Variants in UBAC2 observed in about 807,000 individuals in gnomAD.
The protein encoded by UBAC2 is UBA domain containing 2.
UBAC2 carries 26 observed loss-of-function variants against 44.0 expected under a neutral mutation model. The observed-to-expected ratio is 0.59, with a 90% confidence interval of 0.43 to 0.82. The LOEUF is 0.82. Among genes scored for constraint, UBAC2 ranks in the 40% least tolerant of loss-of-function variants. UBAC2 has a pLI of 0.00. For synonymous variants in UBAC2, 155 were observed against 154.3 expected, an observed-to-expected ratio of 1.00 and a Z score of -0.04; for missense variants, 329 against 419.4, an observed-to-expected ratio of 0.78 and a Z score of 1.88.
At position 99,295,706 on chromosome 13, in the gene UBAC2, T is replaced by C. The variant is rs747755230; in HGVS notation, c.390-18391T>C. The C allele has an allele frequency of 5.2e-5, 84 of 1,614,070 alleles. No individual in the cohort carries two copies. The highest frequency in any genetic ancestry group is 6.5e-5 in the Non-Finnish European group (77 of 1,180,034). On this transcript the variant is annotated intron_variant, in intron 4 of 8. Transcript: ENST00000403766. The surrounding 1 kb of genome is among the most constrained non-coding windows in gnomAD (Gnocchi z 4.1). The stretch of plus-strand genomic sequence containing the variant: ...GACAAATATGCACACGCCTTTTGCA[T>C]GTTCAATCCTTTTTATCTTGTTGTA...
intron 2 of UBAC2, among the ~76,000 whole-genome samples, chr13:99,242,692 C>T (rs1273581933): frequency 2.5e-5 from 3 of 119,548 alleles, no homozygotes; most frequent in African/African-American, 3.0e-5. Flanking sequence ...CTGACCCCCC[C>T]CACCTCCCTC....
chr13:99,324,213 T>C (rs1832303404), intron 6 of UBAC2, among the ~76,000 whole-genome samples: 1 of 152,236 alleles, frequency 6.6e-6, no homozygotes, highest in Admixed American at 6.5e-5. Flanking sequence ...TGTTCAAATA[T>C]ATTTGGTCAA....
At chr13:99,223,538 TTC>T (rs1365371922) in intron 1 of UBAC2, among the ~76,000 whole-genome samples, 8 of 117,764 alleles carry the variant, frequency 6.8e-5, no homozygotes, top group South Asian at 2.8e-4. Context: ...CTTTCTCTTT[TTC>T]TGTTTTTTTT....
At position 99,295,076 on chromosome 13, in the gene UBAC2, G is replaced by A; in HGVS notation, c.390-19021G>A. ...CAATCCATTTCACTTTCCATTTGAAGACTTGGAATGTATCATCATCTGCGT... is the reference window on the plus strand; with the variant it reads ...CAATCCATTTCACTTTCCATTTGAAAACTTGGAATGTATCATCATCTGCGT... On this transcript the variant is annotated intron_variant, in intron 4 of 8. Transcript: ENST00000403766. This position sits in a 1 kb window ranked among gnomAD's most constrained non-coding sequence, Gnocchi z 4.1. 1 of 1,613,504 alleles carries A rather than the reference G, an allele frequency of 6.2e-7. No homozygotes were observed. Among genetic ancestry groups the A allele is most frequent in the Non-Finnish European group, 8.5e-7 (1 of 1,179,722 alleles).
At chr13:99,304,018 G>T (rs993554176) in intron 4 of UBAC2, among the ~76,000 whole-genome samples, 1 of 152,034 alleles carries the variant, frequency 6.6e-6, no homozygotes, top group African/African-American at 2.4e-5. Flanking sequence ...CCTTCTGCCC[G>T]CAGCCACGGC....
chr13:99,234,328 T>C (rs2043210656), intron 1 of UBAC2: 2 of 336,624 alleles, frequency 5.9e-6, no homozygotes, highest in South Asian at 2.0e-5. Context: ...AGTGGGATTA[T>C]AGGCGCTTGC....
At position 99,318,050 on chromosome 13, in the gene UBAC2, T is replaced by G; in HGVS notation, c.542T>G (p.Ile181Ser). 11 of 1,612,770 alleles carry G rather than the reference T, an allele frequency of 6.8e-6. No individual in the cohort carries two copies. Among genetic ancestry groups the G allele is most frequent in the Non-Finnish European group, 9.3e-6 (11 of 1,179,542 alleles). ...QLFTSGSYIW[I>S]VAISGLMSGL... is the part of the protein sequence containing the mutation. ...TTCACCTCTGGTTCCTACATCTGGA[T>G]TGTAGCCATAAGTGGACTTGTAAGT... The change falls in exon 6 of 9, where the codon ATT (isoleucine) becomes AGT (serine). Residue 181 changes from isoleucine to serine, a missense_variant. Coordinates refer to ENST00000403766, the MANE Select transcript of UBAC2 (RefSeq NM_001144072.2).
intron 7 of UBAC2, among the ~76,000 whole-genome samples, chr13:99,366,232 G>A (rs550280609): frequency 6.6e-6 from 1 of 152,206 alleles, no homozygotes; most frequent in South Asian, 2.1e-4. Flanking sequence ...TTTGAAGTGT[G>A]TAATCATTTT....
intron 1 of UBAC2, among the ~76,000 whole-genome samples, chr13:99,208,017 G>A (rs1340889878): frequency 2.2e-5 from 3 of 134,072 alleles, no homozygotes; most frequent in African/African-American, 8.5e-5. Flanking sequence ...TTTTTTTTGA[G>A]GTGGAGTTTC....
intron 5 of UBAC2, 23 bp downstream of exon 5, chr13:99,314,243 C>T: frequency 7.2e-7 from 1 of 1,384,928 alleles, no homozygotes; most frequent in Non-Finnish European, 9.9e-7. Context: ...TTTTTATGTT[C>T]ACTTTTCTTT....
intron 5 of UBAC2, among the ~76,000 whole-genome samples, chr13:99,315,431 C>T (rs1263966439): frequency 2.0e-5 from 3 of 152,196 alleles, no homozygotes; most frequent in Non-Finnish European, 4.4e-5. Context: ...CTCTGAGCCT[C>T]ACATTCACTG....
At chr13:99,250,136 A>G (rs2043439667) in intron 4 of UBAC2, among the ~76,000 whole-genome samples, 1 of 152,214 alleles carries the variant, frequency 6.6e-6, no homozygotes, top group Non-Finnish European at 1.5e-5. Context: ...TTCTTCCCCA[A>G]GGCCGATGTC....
chr13:99,270,474 A>C (rs1272330379), intron 4 of UBAC2, among the ~76,000 whole-genome samples: 1 of 152,232 alleles, frequency 6.6e-6, no homozygotes, highest in Non-Finnish European at 1.5e-5. Flanking sequence ...AATGCTCCTT[A>C]GCTAATTCTT....
intron 1 of UBAC2, among the ~76,000 whole-genome samples, chr13:99,222,269 C>T (rs547330723): frequency 1.7e-4 from 26 of 152,238 alleles, no homozygotes; most frequent in African/African-American, 5.8e-4. Flanking sequence ...CAAAAAATCA[C>T]GATGGAAGGC....
intron 1 of UBAC2, among the ~76,000 whole-genome samples, chr13:99,206,284 G>C (rs1262716309): frequency 6.6e-6 from 1 of 152,200 alleles, no homozygotes. Flanking sequence ...CAGAGGTGGG[G>C]GGACAGTTGG....
At chr13:99,318,133 G>C (rs2044517825) in intron 6 of UBAC2, 64 bp downstream of exon 6, 1 of 1,427,978 alleles carries the variant, frequency 7.0e-7, no homozygotes, top group Non-Finnish European at 9.8e-7. Context: ...TAGGAAAATT[G>C]TCCTATTTAG....
At chr13:99,277,237 A>C (rs2043895359) in intron 4 of UBAC2, among the ~76,000 whole-genome samples, 1 of 152,176 alleles carries the variant, frequency 6.6e-6, no homozygotes, top group East Asian at 1.9e-4. Context: ...TTAAAAGGCA[A>C]TATTAAGGCC....
chr13:99,346,114 C>A (rs1403365144), intron 7 of UBAC2, among the ~76,000 whole-genome samples: 1 of 152,212 alleles, frequency 6.6e-6, no homozygotes, highest in Non-Finnish European at 1.5e-5. Flanking sequence ...CCATTGTTTA[C>A]CCGAAAGTCC....
chr13:99,212,069 G>A (rs979955321), intron 1 of UBAC2, among the ~76,000 whole-genome samples: 15 of 152,098 alleles, frequency 9.9e-5, no homozygotes, highest in African/African-American at 3.1e-4. Context: ...TTTTATTTGT[G>A]TATCCTCTGT....
Sources: gnomAD v4.1 joint callset for allele counts (sites outside exome capture counted in the v4.1 genomes callset) on GRCh38, gnomAD v4.1.1 for gene constraint, Gnocchi (gnomAD v3.1) non-coding constraint, MANE v1.5 for transcripts, NCBI Gene and HGNC (gene_info 2026-07-23, HGNC 2026-07-21) for gene names.